The following PDLIM1 variants were observed in gnomAD, a reference collection of about 807,000 sequenced individuals.
PDLIM1 encodes the protein PDZ and LIM domain protein 1.
In PDLIM1, 25 loss-of-function variants were observed where a neutral mutation model predicts 35.2. The ratio of observed to expected loss-of-function variants is 0.71; its 90% confidence interval spans 0.52 to 0.99. The LOEUF is 0.99. Among genes scored for constraint, PDLIM1 ranks in the 50% least tolerant of loss-of-function variants. The pLI is 0.00. For synonymous variants in PDLIM1, 152 were observed against 154.0 expected (o/e 0.99, Z 0.10); for missense variants, 363 against 415.3 (o/e 0.87, Z 1.09).
intron 1 of PDLIM1, among the ~76,000 whole-genome samples, chr10:95,289,740 C>T (rs765185915): frequency 1.3e-5 from 2 of 152,376 alleles, no homozygotes; most frequent in East Asian, 3.9e-4. Flanking sequence ...GGGAGACAAG[C>T]TGAAGGGCAG....
intron 1 of PDLIM1, among the ~76,000 whole-genome samples, chr10:95,274,943 G>A (rs774065383): frequency 2.6e-5 from 4 of 152,114 alleles, no homozygotes; most frequent in African/African-American, 7.2e-5. Flanking sequence ...AAAAACTAAC[G>A]AAAGACCACC....
rs768804517 is a variant in PDLIM1 at position 95,268,811 on chromosome 10, A to G, written c.300T>C (p.His100=). ...CAGAGGCTAAATTCATCTTGTATGG[A>G]TGACGCTTCCCTTCCTCCGTCACCA... ...SPLVTEEGKR[H]PYKMNLASEP... Residue 100 remains histidine (H), a synonymous_variant, in exon 3 of 7, where the codon CAT becomes CAC. Coordinates refer to ENST00000329399, the MANE Select transcript of PDLIM1 (RefSeq NM_020992.4). 1 of 1,613,538 alleles carries G rather than the reference A, an allele frequency of 6.2e-7. No individual in the cohort carries two copies. The highest frequency in any genetic ancestry group is 1.1e-5 in the South Asian group (1 of 91,064).
chr10:95,282,531 G>A (rs1022978410), intron 1 of PDLIM1, among the ~76,000 whole-genome samples: 1 of 152,158 alleles, frequency 6.6e-6, no homozygotes, highest in Non-Finnish European at 1.5e-5. Context: ...TAGTGCTAAG[G>A]GGTGACAGTT....
At chr10:95,257,004 A>AAGAAAGAAAGAAAGAAAGAAAGAAAGAT (rs2035319321) in intron 4 of PDLIM1, among the ~76,000 whole-genome samples, 1 of 125,652 alleles carries the variant, frequency 8.0e-6, no homozygotes, top group Non-Finnish European at 1.9e-5. Flanking sequence ...GAAAGAAAGA[A>AAGAAAGAAAGAAAGAAAGAAAGAAAGAT]AGAAAGAAAG....
At chr10:95,242,941 G>C (rs1286078839) in intron 5 of PDLIM1, among the ~76,000 whole-genome samples, 1 of 151,766 alleles carries the variant, frequency 6.6e-6, no homozygotes, top group Non-Finnish European at 1.5e-5. Context: ...AGCTCAATGA[G>C]GTCGGGCTCT....
At chr10:95,257,564 C>T (rs191102421) in intron 4 of PDLIM1, among the ~76,000 whole-genome samples, 2 of 152,294 alleles carry the variant, frequency 1.3e-5, no homozygotes, top group East Asian at 3.9e-4. Context: ...CTCAACATCA[C>T]TAATCATTAA....
At chr10:95,245,787 G>A (rs1300845621) in intron 5 of PDLIM1, among the ~76,000 whole-genome samples, 1 of 152,164 alleles carries the variant, frequency 6.6e-6, no homozygotes, top group Non-Finnish European at 1.5e-5. Flanking sequence ...AATTTCCTAT[G>A]GTTGTAAACT....
chr10:95,260,924 G>A (rs1196509994), intron 4 of PDLIM1, among the ~76,000 whole-genome samples: 2 of 152,238 alleles, frequency 1.3e-5, no homozygotes, highest in South Asian at 2.1e-4. Flanking sequence ...AGCAAGCTGA[G>A]ATCCCCCCAT....
At chr10:95,285,281 A>G (rs761196764) in intron 1 of PDLIM1, among the ~76,000 whole-genome samples, 70 of 152,166 alleles carry the variant, frequency 4.6e-4, no homozygotes, top group Non-Finnish European at 8.7e-4. Flanking sequence ...TGAGGCCACA[A>G]GGCAACTGGA....
intron 4 of PDLIM1, among the ~76,000 whole-genome samples, chr10:95,252,411 A>C (rs2133416760): frequency 6.6e-6 from 1 of 152,318 alleles, no homozygotes; most frequent in East Asian, 1.9e-4. Context: ...AGCATCCCCA[A>C]TCCCATATCT....
chr10:95,238,895 A>T, intron 5 of PDLIM1: 1 of 477,936 alleles, frequency 2.1e-6, no homozygotes, highest in South Asian at 3.2e-5. Flanking sequence ...GCCAAAGAAA[A>T]GCCCAAAAAG....
chr10:95,239,942 T>C (rs1589504074), intron 5 of PDLIM1, among the ~76,000 whole-genome samples: 1 of 152,048 alleles, frequency 6.6e-6, no homozygotes, highest in East Asian at 1.9e-4. Flanking sequence ...CACAATGAGA[T>C]ACCGACTCAC....
chr10:95,243,300 A>G (rs2133410025), intron 5 of PDLIM1, among the ~76,000 whole-genome samples: 1 of 152,282 alleles, frequency 6.6e-6, no homozygotes, highest in Admixed American at 6.5e-5. Flanking sequence ...CTTCTCAACT[A>G]GCTTATAGTG....
chr10:95,282,825 T>C (rs2035572162), intron 1 of PDLIM1, among the ~76,000 whole-genome samples: 1 of 152,150 alleles, frequency 6.6e-6, no homozygotes, highest in South Asian at 2.1e-4. Context: ...ACGCTTGTAA[T>C]CTCAGCTACT....
intron 1 of PDLIM1, among the ~76,000 whole-genome samples, chr10:95,283,981 CTGTGTGTGTGTG>C (rs3979535): frequency 4.7e-5 from 7 of 150,324 alleles, no homozygotes; most frequent in Non-Finnish European, 7.4e-5. Flanking sequence ...GCCTTTTTCT[CTGTGTGTGTGTG>C]TGTGTGTGTG....
At chr10:95,244,798 G>C (rs1450942479) in intron 5 of PDLIM1, among the ~76,000 whole-genome samples, 2 of 152,092 alleles carry the variant, frequency 1.3e-5, no homozygotes, top group Non-Finnish European at 2.9e-5. Context: ...TACTTGGGAG[G>C]CTGAGGCAGG....
chr10:95,256,711 C>A (rs1008478516), intron 4 of PDLIM1, among the ~76,000 whole-genome samples: 1 of 152,078 alleles, frequency 6.6e-6, no homozygotes, highest in Non-Finnish European at 1.5e-5. Context: ...GTGGCTCATG[C>A]CTGTAATCCC....
At chr10:95,261,790 C>T (rs2035363821) in intron 4 of PDLIM1, among the ~76,000 whole-genome samples, 1 of 152,150 alleles carries the variant, frequency 6.6e-6, no homozygotes, top group African/African-American at 2.4e-5. Context: ...AGGCAGATCA[C>T]CTGAGGTCGG....
rs771183883 is a variant in PDLIM1 at position 95,263,872 on chromosome 10, GTTCGC to G, written c.520_524del (p.Ala174GlnfsTer20). 14 of 1,611,800 alleles carry G rather than the reference GTTCGC, an allele frequency of 8.7e-6. No homozygotes were observed. Among genetic ancestry groups the G allele is most frequent in the Non-Finnish European group, 1.1e-5 (13 of 1,178,800 alleles). On this transcript the variant is annotated frameshift_variant, in exon 4 of 7. Transcript: ENST00000329399. LOFTEE classifies it high-confidence loss of function. ...ACTCCTGGGCTACTTACGGTCTGCTGTTCGCCTCCACCCCGCTGGCAGCAGTCTTT... is the reference window on the plus strand; with the variant it reads ...ACTCCTGGGCTACTTACGGTCTGCTGCTCCACCCCGCTGGCAGCAGTCTTT...
Sources: gnomAD v4.1 joint callset for allele counts (sites outside exome capture counted in the v4.1 genomes callset) on GRCh38, gnomAD v4.1.1 for gene constraint, MANE v1.5 for transcripts, NCBI Gene and HGNC (gene_info 2026-07-23, HGNC 2026-07-21) for gene names.